Variants in ANKS6 observed in about 807,000 individuals in gnomAD.
ANKS6 encodes ankyrin repeat and sterile alpha motif domain containing 6, also known as ankyrin repeat and SAM domain-containing protein 6.
A neutral mutation model predicts 77.9 loss-of-function variants in ANKS6; 47 were observed. The observed-to-expected ratio is 0.60, with a 90% CI of 0.48 to 0.77. The LOEUF is 0.77. ANKS6 is among the 30% of genes least tolerant of loss of function. The probability of loss-of-function intolerance (pLI) is 0.00; values close to 1 mark genes in which losing one functional copy is unlikely to be tolerated. For synonymous variants in ANKS6, 488 were observed against 501.7 expected (o/e 0.97, Z 0.37); for missense variants, 1,150 against 1,159.1 (o/e 0.99, Z 0.11).
At chr9:98,794,329 GAGC>G (rs1835064899) in intron 1 of ANKS6, among the ~76,000 whole-genome samples, 1 of 152,154 alleles carries the variant, frequency 6.6e-6, no homozygotes, top group South Asian at 2.1e-4. Context: ...GTGTGGTTTT[GAGC>G]AGGATTCTGG....
chr9:98,732,348 C>A lies in ANKS6; in HGVS notation c.*4171G>T. ...GCCCCCTTTTTACCCGCTGGATCAG[C>A]TTCTACGACTTGGTCAAACTATCTT... is the stretch of plus-strand genomic sequence containing the variant. On this transcript the variant is annotated 3_prime_UTR_variant, in exon 15 of 15. Coordinates refer to ENST00000353234, the MANE Select transcript of ANKS6 (RefSeq NM_173551.5). The A allele has an allele frequency of 1.1e-6, 1 of 878,766 alleles. No individual in the cohort carries two copies. The highest frequency in any genetic ancestry group is 1.7e-6 in the Non-Finnish European group (1 of 584,894). The allele number at this position is 878,766 out of a possible 1,614,324, so 54.4% of individuals were successfully genotyped here.
intron 12 of ANKS6, among the ~76,000 whole-genome samples, chr9:98,754,564 C>T (rs932216799): frequency 6.6e-6 from 1 of 151,890 alleles, no homozygotes; most frequent in Non-Finnish European, 1.5e-5. Context: ...ATGGTGTGAA[C>T]CCGGGAGGAG....
intron 1 of ANKS6, among the ~76,000 whole-genome samples, chr9:98,795,777 T>C (rs965650612): frequency 6.6e-6 from 1 of 152,162 alleles, no homozygotes; most frequent in African/African-American, 2.4e-5. Flanking sequence ...GGACTCTGCC[T>C]GGGTCTCGCA....
chr9:98,763,600 AG>A (rs1396237420), intron 11 of ANKS6, among the ~76,000 whole-genome samples: 3 of 152,046 alleles, frequency 2.0e-5, no homozygotes, highest in Non-Finnish European at 4.4e-5. Flanking sequence ...TAAAACCCAA[AG>A]GAAGTAGAGG....
At chr9:98,782,680 A>G (rs1252265214) in intron 4 of ANKS6, 107 bp from the exon 5 acceptor site, 5 of 811,916 alleles carry the variant, frequency 6.2e-6, no homozygotes, top group South Asian at 1.6e-5. Context: ...AGCATTTAAG[A>G]AGGACATGGA....
At chr9:98,769,513 G>T (rs994007742) in intron 10 of ANKS6, among the ~76,000 whole-genome samples, 1 of 152,158 alleles carries the variant, frequency 6.6e-6, no homozygotes, top group Non-Finnish European at 1.5e-5. Context: ...CATACAAATG[G>T]AATACTGTTT....
Position 98,734,536 on chromosome 9 carries a change from A to G in ANKS6, c.*1983T>C. The G allele has an allele frequency of 1.0e-6, 1 of 985,460 alleles. No homozygotes were observed. Among genetic ancestry groups the G allele is most frequent in the Non-Finnish European group, 1.2e-6 (1 of 829,940 alleles). The allele number at this position is 985,460 out of a possible 1,614,324, so 61.0% of individuals were successfully genotyped here. A position where few individuals can be genotyped will look rare whatever the true frequency, so the allele number is the denominator to read the frequency against. ...CCCCTGAAGCCATCAGTAAATTAAA[A>G]CAAGAATCACAAGTGCTTCTAGCTC... is the stretch of plus-strand genomic sequence containing the variant. On this transcript the variant is annotated 3_prime_UTR_variant, in exon 15 of 15. Coordinates refer to ENST00000353234, the MANE Select transcript of ANKS6 (RefSeq NM_173551.5).
At chr9:98,774,209 T>G in intron 8 of ANKS6, 129 bp from the exon 9 acceptor site, 1 of 789,064 alleles carries the variant, frequency 1.3e-6, no homozygotes, top group South Asian at 3.1e-5. Context: ...AGCCGGGAGC[T>G]ATGTGGCATC....
chr9:98,775,191 G>T (rs1833861971), intron 8 of ANKS6, among the ~76,000 whole-genome samples: 1 of 152,254 alleles, frequency 6.6e-6, no homozygotes, highest in Non-Finnish European at 1.5e-5. Context: ...TTCCCTCCCT[G>T]GGGTAACAGT....
intron 9 of ANKS6, among the ~76,000 whole-genome samples, chr9:98,773,090 C>A (rs970178291): frequency 6.6e-6 from 1 of 152,218 alleles, no homozygotes; most frequent in Non-Finnish European, 1.5e-5. Context: ...ACAACTCCCC[C>A]GTTCCTACCT....
At chr9:98,795,453 G>C (rs1244106952) in intron 1 of ANKS6, among the ~76,000 whole-genome samples, 1 of 152,150 alleles carries the variant, frequency 6.6e-6, no homozygotes, top group South Asian at 2.1e-4. Context: ...CCAACTCCCT[G>C]GCATCTGCCT....
intron 11 of ANKS6, among the ~76,000 whole-genome samples, chr9:98,757,950 A>C (rs751766409): frequency 1.3e-5 from 2 of 151,924 alleles, no homozygotes; most frequent in Non-Finnish European, 2.9e-5. Flanking sequence ...TAAATAAATA[A>C]ATAAATATAC....
rs77432442 is a variant in ANKS6 at position 98,735,883 on chromosome 9, G to A, written c.*636C>T. Reference sequence around the variant, plus strand: ...CACATACACAGCACTAAGGGACCCAGTGGCTGAAAGGGGGTCAAAAAAGAC... The same window carrying A: ...CACATACACAGCACTAAGGGACCCAATGGCTGAAAGGGGGTCAAAAAAGAC... On this transcript the variant is annotated 3_prime_UTR_variant, in exon 15 of 15. Transcript: ENST00000353234. 12 of 1,232,112 alleles carry A rather than the reference G, an allele frequency of 9.7e-6. No individual in the cohort carries two copies. The highest frequency in any genetic ancestry group is 1.6e-5 in the African/African-American group (1 of 64,396). The allele number at this position is 1,232,112 out of a possible 1,614,324, so 76.3% of individuals were successfully genotyped here.
rs1564236717 is a variant in ANKS6 at position 98,796,334 on chromosome 9, TCGGCCCCCGCCGGCTCCGCGCCCGCCTC to T, written c.130_157del (p.Glu44ArgfsTer72). ...CGCTGCGGCCCCGGGCCCGGCCACC[TCGGCCCCCGCCGGCTCCGCGCCCGCCTC>T]CGGCTCCGCGCCGCGCTCGGCTGGC... On this transcript the variant is annotated frameshift_variant, in exon 1 of 15. Coordinates refer to ENST00000353234, the MANE Select transcript of ANKS6 (RefSeq NM_173551.5). LOFTEE classifies it high-confidence loss of function. 19 of 1,196,200 alleles carry T rather than the reference TCGGCCCCCGCCGGCTCCGCGCCCGCCTC, an allele frequency of 1.6e-5. No homozygotes were observed. The highest frequency in any genetic ancestry group is 1.9e-5 in the Non-Finnish European group (18 of 966,674). The allele number at this position is 1,196,200 out of a possible 1,614,324, so 74.1% of individuals were successfully genotyped here.
At chr9:98,740,641 C>CA (rs1290514374) in intron 14 of ANKS6, among the ~76,000 whole-genome samples, 1 of 152,150 alleles carries the variant, frequency 6.6e-6, no homozygotes, top group Non-Finnish European at 1.5e-5. Context: ...GACAGGGTTC[C>CA]GGCCCTCGCT....
In ANKS6 at chr9:98,732,774, G is replaced by A; in HGVS notation, c.*3745C>T. On this transcript the variant is annotated 3_prime_UTR_variant, in exon 15 of 15. Transcript: ENST00000353234. ...CGTGCTCAACATCACGCAGCACTAG[G>A]TCTATGTCCAGTGCTCTTTCCAGGG... The A allele has an allele frequency of 7.1e-7, 1 of 1,398,754 alleles. No individual in the cohort carries two copies. The highest frequency in any genetic ancestry group is 1.6e-5 in the South Asian group (1 of 64,108). 86.6% of individuals were successfully genotyped at this position (1,398,754 alleles called of 1,614,324 possible).
At position 98,733,341 on chromosome 9, in the gene ANKS6, C is replaced by T; in HGVS notation, c.*3178G>A. 2 of 985,538 alleles carry T rather than the reference C, an allele frequency of 2.0e-6. No homozygotes were observed. The highest frequency in any genetic ancestry group is 1.2e-6 in the Non-Finnish European group (1 of 829,986). The allele number at this position is 985,538 out of a possible 1,614,324, so 61.0% of individuals were successfully genotyped here. ...CAGCACTCACGACACACCAGCAAGA[C>T]ACTGCCTGGGTGCTGGGAAACAATG... is the stretch of plus-strand genomic sequence containing the variant. On this transcript the variant is annotated 3_prime_UTR_variant, in exon 15 of 15. Coordinates refer to ENST00000353234, the MANE Select transcript of ANKS6 (RefSeq NM_173551.5).
In ANKS6 at chr9:98,732,113, G is replaced by C. The variant is rs184442507; in HGVS notation, c.*4406C>G. On this transcript the variant is annotated 3_prime_UTR_variant, in exon 15 of 15. Coordinates refer to ENST00000353234, the MANE Select transcript of ANKS6 (RefSeq NM_173551.5). Reference sequence around the variant, plus strand: ...AGACACGATTAACTTGCTAGGAATGGACAAGGACAGCGACAGGATGGTGCT... The same window carrying C: ...AGACACGATTAACTTGCTAGGAATGCACAAGGACAGCGACAGGATGGTGCT... 2.0e-3 allele frequency: 455 copies of C among 232,958 alleles called. 3 individuals carry two copies. The highest frequency in any genetic ancestry group is 9.6e-3 in the African/African-American group (428 of 44,448). The allele number at this position is 232,958 out of a possible 1,614,324, so 14.4% of individuals were successfully genotyped here.
chr9:98,757,928 AAAATAAAT>A (rs200768970), intron 11 of ANKS6, among the ~76,000 whole-genome samples: 46 of 151,090 alleles, frequency 3.0e-4, no homozygotes, highest in African/African-American at 9.0e-4. Context: ...ACTCTGTCTC[AAAATAAAT>A]AAATAAATAA....
Sources: gnomAD v4.1 joint callset for allele counts (sites outside exome capture counted in the v4.1 genomes callset) on GRCh38, gnomAD v4.1.1 for gene constraint, MANE v1.5 for transcripts, NCBI Gene and HGNC (gene_info 2026-07-23, HGNC 2026-07-21) for gene names.